The following TMEM201 variants were observed in gnomAD, a reference collection of about 807,000 sequenced individuals.
TMEM201 encodes RP13-15M17.2.
Under a neutral mutation model 63.4 loss-of-function variants are expected in TMEM201, and 26 were observed. The ratio of observed to expected loss-of-function variants is 0.41; its 90% CI spans 0.30 to 0.57. TMEM201 has a LOEUF of 0.57. Among genes scored for constraint, TMEM201 ranks in the 20% least tolerant of loss-of-function variants. The probability of loss-of-function intolerance (pLI) is 0.29; values close to 1 mark genes in which losing one functional copy is unlikely to be tolerated. For synonymous variants in TMEM201, 417 were observed against 421.6 expected (o/e 0.99, Z 0.14); for missense variants, 794 against 917.7 (o/e 0.87, Z 1.74).
chr1:9,598,059 G>C (rs1208724957), intron 3 of TMEM201, among the ~76,000 whole-genome samples: 1 of 152,176 alleles, frequency 6.6e-6, no homozygotes, highest in African/African-American at 2.4e-5. Flanking sequence ...CGCCACAGTC[G>C]GGGTTGTCCA....
intron 6 of TMEM201, among the ~76,000 whole-genome samples, chr1:9,606,889 G>A (rs939928546): frequency 1.3e-5 from 2 of 152,220 alleles, no homozygotes; most frequent in African/African-American, 2.4e-5. Flanking sequence ...TGTCCTGTGA[G>A]AGCCTCTTCC....
rs1429081499 is a variant in TMEM201, at chr1:9,596,977, T to A, written c.353T>A (p.Val118Asp). ...CCGCAGCAGTGGGTGAGCAGCCAAG[T>A]CCTGCTGTGCAAGAGGTGCAACCAC... ...SQPQQWVSSQ[V>D]LLCKRCNHHQ... Residue 118 changes from valine (V) to aspartate (D), a missense_variant, in exon 3 of 11, where the codon GTC becomes GAC. Physicochemically the swap from Val to Asp is radical, Grantham distance 152 (BLOSUM62 -3). Coordinates refer to ENST00000340381, the MANE Select transcript of TMEM201 (RefSeq NM_001130924.3). The A allele has an allele frequency of 6.2e-7, 1 of 1,613,006 alleles. No individual in the cohort carries two copies. Among genetic ancestry groups the A allele is most frequent in the Non-Finnish European group, 8.5e-7 (1 of 1,179,734 alleles).
rs371975567 is a variant in TMEM201, at chr1:9,601,485, G to A, written c.956+31G>A. The A allele has an allele frequency of 1.3e-4, 204 of 1,550,850 alleles. No individual in the cohort carries two copies. In the African/African-American group the frequency reaches 2.3e-3, roughly 18 times the overall value. ...CATGGGGCCAGGGCCAGGAGTTGGCGGGCAGGGGACTGTGTGCTGGATTAC... is the reference window on the plus strand; with the variant it reads ...CATGGGGCCAGGGCCAGGAGTTGGCAGGCAGGGGACTGTGTGCTGGATTAC... On this transcript the variant is annotated intron_variant, in intron 5 of 10. Transcript: ENST00000340381.
chr1:9,589,108 C>T (rs894840243), intron 1 of TMEM201, 65 bp downstream of exon 1: 12 of 758,274 alleles, frequency 1.6e-5, no homozygotes, highest in Non-Finnish European at 1.9e-5. Flanking sequence ...CCCGCGCCGC[C>T]CCGGCCCGCT....
In TMEM201 at chr1:9,610,576, C is replaced by G. The variant is rs1644308801; in HGVS notation, c.1536C>G (p.Gly512=). ...PLPSPAPSVA[G]SVASSSGSLR... is the part of the protein sequence containing the mutation. ...CTTCCCCAGCGCCTTCCGTGGCCGGCTCGGTGGCCTCCAGCTCCGGCTCTC... is the reference window on the plus strand; with the variant it reads ...CTTCCCCAGCGCCTTCCGTGGCCGGGTCGGTGGCCTCCAGCTCCGGCTCTC... The change falls in exon 9 of 11, where the codon GGC becomes GGG. Residue 512 remains glycine (G), a synonymous_variant. Transcript: ENST00000340381. This position sits in a 1 kb window ranked among gnomAD's most constrained non-coding sequence, Gnocchi z 4.9. The G allele has an allele frequency of 1.3e-6, 2 of 1,550,250 alleles. No individual in the cohort carries two copies. The highest frequency in any genetic ancestry group is 1.7e-6 in the Non-Finnish European group (2 of 1,146,730).
At chr1:9,596,745 G>A in intron 2 of TMEM201, 114 bp from the exon 3 acceptor site, 2 of 1,038,976 alleles carry the variant, frequency 1.9e-6, no homozygotes, top group Non-Finnish European at 2.8e-6. Context: ...AAAGAATGGA[G>A]ATGTTTGAGA....
At chr1:9,595,458 G>A (rs558014008) in intron 1 of TMEM201, among the ~76,000 whole-genome samples, 4 of 152,052 alleles carry the variant, frequency 2.6e-5, no homozygotes, top group Non-Finnish European at 5.9e-5. Context: ...GACCTCGTGG[G>A]GGAGGGGTGG....
Position 9,594,344 on chromosome 1 carries a change from G to T in TMEM201, c.114-1546G>T, listed in dbSNP as rs554144717. Reference sequence around the variant, plus strand: ...GGGCCTGTGCTGGGGCAGGGGGTGTGGGGTGAGAAGGGTGTGGGCCGAGGC... The same window carrying T: ...GGGCCTGTGCTGGGGCAGGGGGTGTTGGGTGAGAAGGGTGTGGGCCGAGGC... On this transcript the variant is annotated intron_variant, in intron 1 of 10. Coordinates refer to ENST00000340381, the MANE Select transcript of TMEM201 (RefSeq NM_001130924.3). 3.0e-4 allele frequency among the ~76,000 whole-genome samples: 45 copies of T among 152,332 alleles called. 1 individual carries two copies. In the South Asian group the frequency reaches 5.4e-3, roughly 18 times the overall value.
intron 1 of TMEM201, among the ~76,000 whole-genome samples, chr1:9,592,919 G>T (rs1643945861): frequency 6.6e-6 from 1 of 152,242 alleles, no homozygotes; most frequent in South Asian, 2.1e-4. Flanking sequence ...TGGAACCGTT[G>T]TGGGCAGGGG....
At position 9,588,999 on chromosome 1, in the gene TMEM201, G is replaced by T; in HGVS notation, c.69G>T (p.Thr23=). ...TAGLAGGLGV[T]ACAAAGVLLY... is the part of the protein sequence containing the mutation. Reference sequence around the variant, plus strand: ...GCCTGGCCGGCGGCCTGGGGGTCACGGCGTGCGCCGCGGCCGGCGTGTTGC... The same window carrying T: ...GCCTGGCCGGCGGCCTGGGGGTCACTGCGTGCGCCGCGGCCGGCGTGTTGC... Residue 23 remains threonine (T), a synonymous_variant, in exon 1 of 11, where the codon ACG becomes ACT. Transcript: ENST00000340381. 2 of 1,188,336 alleles carry T rather than the reference G, an allele frequency of 1.7e-6. No homozygotes were observed. The allele number at this position is 1,188,336 out of a possible 1,614,324, so 73.6% of individuals were successfully genotyped here.
At chr1:9,590,169 C>G (rs1261880714) in intron 1 of TMEM201, among the ~76,000 whole-genome samples, 1 of 152,084 alleles carries the variant, frequency 6.6e-6, no homozygotes. Context: ...TGACCCCAGC[C>G]CAGAGGTCCC....
At position 9,603,513 on chromosome 1, in the gene TMEM201, C is replaced by T; in HGVS notation, c.1160+1241C>T. ...CCCTCAGGGCCCACATGTCCTGCCA[C>T]TCGCCACTCTGAGCACGAGTTCACC... is the stretch of plus-strand genomic sequence containing the variant. On this transcript the variant is annotated intron_variant, in intron 6 of 10. Transcript: ENST00000340381. The surrounding 1 kb of genome is among the most constrained non-coding windows in gnomAD (Gnocchi z 4.5). 1 of 985,560 alleles carries T rather than the reference C, an allele frequency of 1.0e-6. No individual in the cohort carries two copies. 61.1% of individuals were successfully genotyped at this position (985,560 alleles called of 1,614,324 possible).
Position 9,596,855 on chromosome 1 carries a change from G to T in TMEM201, c.235-4G>T. The stretch of plus-strand genomic sequence containing the variant: ...CTGCCTCGAGTCCCACCTCTCTCCC[G>T]CAGAACGGCGACTACAACAAGCCGA... On this transcript the variant is annotated splice_region_variant and splice_polypyrimidine_tract_variant and intron_variant, in intron 2 of 10. Transcript: ENST00000340381. 1.3e-6 allele frequency: 2 copies of T among 1,579,666 alleles called. No individual in the cohort carries two copies. Among genetic ancestry groups the T allele is most frequent in the Non-Finnish European group, 8.7e-7 (1 of 1,154,990 alleles).
In TMEM201 at chr1:9,607,235, A is replaced by G. The variant is rs1557560583; in HGVS notation, c.1161-322A>G. Among the ~76,000 whole-genome samples, 1 of 152,042 alleles carries G rather than the reference A, an allele frequency of 6.6e-6. No homozygotes were observed. The highest frequency in any genetic ancestry group is 1.5e-5 in the Non-Finnish European group (1 of 68,000). On this transcript the variant is annotated intron_variant, in intron 6 of 10. Coordinates refer to ENST00000340381, the MANE Select transcript of TMEM201 (RefSeq NM_001130924.3). The surrounding 1 kb of genome is among the most constrained non-coding windows in gnomAD (Gnocchi z 5.4). ...GGCTGGGCATTTTTGCTTCAAGGCG[A>G]AAGGGTTGGCATGAGGTTGGCAAAG...
In TMEM201 at chr1:9,607,207, C is replaced by T. The variant is rs1325299983; in HGVS notation, c.1161-350C>T. ...ATTAACCTTCATTGAGTGCCTGGCA[C>T]GGGGCTGGGCATTTTTGCTTCAAGG... On this transcript the variant is annotated intron_variant, in intron 6 of 10. Coordinates refer to ENST00000340381, the MANE Select transcript of TMEM201 (RefSeq NM_001130924.3). This position sits in a 1 kb window ranked among gnomAD's most constrained non-coding sequence, Gnocchi z 5.4. 1.3e-5 allele frequency among the ~76,000 whole-genome samples: 2 copies of T among 152,030 alleles called. No individual in the cohort carries two copies. The highest frequency in any genetic ancestry group is 2.4e-5 in the African/African-American group (1 of 41,378).
chr1:9,590,946 G>A (rs944086223), intron 1 of TMEM201, among the ~76,000 whole-genome samples: 17 of 152,222 alleles, frequency 1.1e-4, no homozygotes, highest in Non-Finnish European at 2.1e-4. Flanking sequence ...TGTAAGGAGA[G>A]CTGTTTTTGG....
chr1:9,597,054 G>C lies in TMEM201; in HGVS notation c.429+1G>C. The C allele has an allele frequency of 6.3e-7, 1 of 1,599,168 alleles. No individual in the cohort carries two copies. ...GGCCGCCTTCGCTCCCCGCGAGGAG[G>C]TGAGGCCGGGTTGGGAGGGCAGGGG... On this transcript the variant is annotated splice_donor_variant, in intron 3 of 10. Coordinates refer to ENST00000340381, the MANE Select transcript of TMEM201 (RefSeq NM_001130924.3). LOFTEE classifies it high-confidence loss of function.
chr1:9,612,969 A>G lies in TMEM201; in HGVS notation c.1904-17A>G. 1 of 1,551,112 alleles carries G rather than the reference A, an allele frequency of 6.4e-7. No individual in the cohort carries two copies. Among genetic ancestry groups the G allele is most frequent in the Admixed American group, 2.0e-5 (1 of 50,998 alleles). The stretch of plus-strand genomic sequence containing the variant: ...CACCCACCCAAACAATGTTCTGACC[A>G]GGTCTCTGCTTTGCAGGTCGTTTCG... On this transcript the variant is annotated splice_polypyrimidine_tract_variant and intron_variant, in intron 10 of 10. Coordinates refer to ENST00000340381, the MANE Select transcript of TMEM201 (RefSeq NM_001130924.3).
rs1306666185 is a variant in TMEM201 at position 9,608,747 on chromosome 1, G to A, written c.1393+958G>A. On this transcript the variant is annotated intron_variant, in intron 7 of 10. Transcript: ENST00000340381. This position sits in a 1 kb window ranked among gnomAD's most constrained non-coding sequence, Gnocchi z 4.3. ...GGGCCAGTTCAGGCCTCCAAGGCAG[G>A]GGCTCCTGCCCACAGAGAAGAACAG... 6.6e-6 allele frequency among the ~76,000 whole-genome samples: 1 copy of A among 152,192 alleles called. No individual in the cohort carries two copies. Among genetic ancestry groups the A allele is most frequent in the Non-Finnish European group, 1.5e-5 (1 of 68,022 alleles).
Sources: allele counts gnomAD v4.1 joint callset (sites outside exome capture counted in the v4.1 genomes callset), GRCh38; gene constraint gnomAD v4.1.1; non-coding constraint Gnocchi (gnomAD v3.1); transcripts MANE v1.5; gene names NCBI Gene and HGNC (gene_info 2026-07-23, HGNC 2026-07-21).